Variants in WDR27 observed in about 807,000 individuals in gnomAD.
WDR27 encodes the protein WD repeat-containing protein 27.
A neutral mutation model predicts 114.4 loss-of-function variants in WDR27; 100 were observed. The ratio of observed to expected loss-of-function variants is 0.87; its 90% CI spans 0.74 to 1.03. WDR27 has a LOEUF of 1.03. Ranked by LOEUF, WDR27 falls within the 50% of genes least tolerant of loss-of-function variation. WDR27 has a pLI of 0.00. For synonymous variants in WDR27, 449 were observed against 423.1 expected (o/e 1.06, Z -0.75); for missense variants, 1,129 against 1,092.9 (o/e 1.03, Z -0.47).
intron 25 of WDR27, among the ~76,000 whole-genome samples, chr6:169,476,542 C>A: frequency 6.6e-6 from 1 of 152,162 alleles, no homozygotes; most frequent in South Asian, 2.1e-4. Context: ...CCCCCTGGAC[C>A]CACTTTCTCT....
the WDR27 span, among the ~76,000 whole-genome samples, chr6:169,432,569 T>A: frequency 6.6e-6 from 1 of 152,358 alleles, no homozygotes; most frequent in East Asian, 1.9e-4. Context: ...CCCTTTTTGC[T>A]TGGCTTTCAT....
the WDR27 span, among the ~76,000 whole-genome samples, chr6:169,439,883 AT>A: frequency 9.0e-5 from 13 of 144,160 alleles, no homozygotes; most frequent in African/African-American, 3.6e-4. Flanking sequence ...TGGTAGTTAT[AT>A]TACCAATATT....
At chr6:169,586,319 G>A (rs1804548212) in intron 23 of WDR27, among the ~76,000 whole-genome samples, 1 of 152,186 alleles carries the variant, frequency 6.6e-6, no homozygotes, top group Non-Finnish European at 1.5e-5. Flanking sequence ...GGCCCGCATG[G>A]CTTTTCCTAT....
chr6:169,576,699 C>T (rs887989838), intron 24 of WDR27, among the ~76,000 whole-genome samples: 1 of 149,604 alleles, frequency 6.7e-6, no homozygotes, highest in African/African-American at 2.5e-5. Context: ...CCCAGGAGTT[C>T]GAGGCTGCAC....
chr6:169,590,200 T>G lies in WDR27; in HGVS notation c.2425-7266A>C, dbSNP rs370568680. On this transcript the variant is annotated intron_variant, in intron 23 of 25. Transcript: ENST00000448612. ...TTCATTTTTCCTTTCACAGAGTACC[T>G]AACGTGACCTTCATTTCCCTTTACC... 1.8e-4 allele frequency among the ~76,000 whole-genome samples: 27 copies of G among 152,298 alleles called. No homozygotes were observed. In the East Asian group the frequency reaches 2.7e-3, roughly 15 times the overall value.
intron 14 of WDR27, among the ~76,000 whole-genome samples, chr6:169,650,607 CTCCA>C (rs1822138383): frequency 6.7e-6 from 1 of 150,070 alleles, no homozygotes; most frequent in African/African-American, 2.5e-5. Context: ...CCTCCATCCC[CTCCA>C]TCCATGCTCC....
chr6:169,478,312 T>G (rs956366702), intron 25 of WDR27, among the ~76,000 whole-genome samples: 1 of 152,194 alleles, frequency 6.6e-6, no homozygotes, highest in East Asian at 1.9e-4. Context: ...CTACCACATG[T>G]TGGACAAAGT....
chr6:169,640,219 G>A (rs955666967), intron 17 of WDR27, among the ~76,000 whole-genome samples: 4 of 152,132 alleles, frequency 2.6e-5, no homozygotes, highest in Non-Finnish European at 2.9e-5. Context: ...CGGAGCAGAA[G>A]ACCCCTTCCT....
chr6:169,628,235 A>G (rs949223761), intron 21 of WDR27, among the ~76,000 whole-genome samples: 17 of 152,164 alleles, frequency 1.1e-4, no homozygotes, highest in African/African-American at 4.1e-4. Context: ...GAAAGCCCTC[A>G]TGAGACGCTG....
intron 6 of WDR27, chr6:169,666,413 T>C (rs1018415076): frequency 3.2e-5 from 32 of 985,376 alleles, no homozygotes; most frequent in Non-Finnish European, 3.7e-5. Flanking sequence ...TTCATGTCAC[T>C]TACCGCATGG....
intron 25 of WDR27, among the ~76,000 whole-genome samples, chr6:169,478,562 G>GA (rs145057081): frequency 0.014 from 2,043 of 145,658 alleles, 41 homozygotes; most frequent in African/African-American, 0.044. Flanking sequence ...AATGCCCAAA[G>GA]AAAAAAAAAA....
chr6:169,604,088 C>A (rs1017890428), intron 22 of WDR27, among the ~76,000 whole-genome samples: 1 of 151,856 alleles, frequency 6.6e-6, no homozygotes, highest in South Asian at 2.1e-4. Flanking sequence ...CAGTTAGCAA[C>A]AGAAAAGAAA....
chr6:169,655,958 G>A (rs7763094), intron 13 of WDR27, among the ~76,000 whole-genome samples: 19,350 of 152,132 alleles, frequency 0.13, 1,352 homozygotes, highest in African/African-American at 0.16. Context: ...TCCTGACCTC[G>A]TGATCCGCCT....
chr6:169,482,743 TCAC>T (rs750119220), intron 25 of WDR27, among the ~76,000 whole-genome samples: 1 of 152,144 alleles, frequency 6.6e-6, no homozygotes, highest in Non-Finnish European at 1.5e-5. Context: ...ATCCTTTTCA[TCAC>T]CACATGTCAC....
chr6:169,462,507 A>G (rs1415807139), intron 25 of WDR27, among the ~76,000 whole-genome samples: 1 of 152,160 alleles, frequency 6.6e-6, no homozygotes, highest in Non-Finnish European at 1.5e-5. Flanking sequence ...AAAGAAAGAA[A>G]GAAAGAGTAG....
chr6:169,656,657 G>A (rs919175874), intron 13 of WDR27, among the ~76,000 whole-genome samples: 3 of 152,034 alleles, frequency 2.0e-5, no homozygotes, highest in Non-Finnish European at 4.4e-5. Flanking sequence ...GAGGGCCCAG[G>A]AGGAGGAGGC....
chr6:169,555,591 G>A (rs1166576526), intron 25 of WDR27, among the ~76,000 whole-genome samples: 1 of 151,948 alleles, frequency 6.6e-6, no homozygotes, highest in East Asian at 1.9e-4. Context: ...TGACACATGA[G>A]GTCAATTACA....
chr6:169,625,087 A>AG (rs1162128218), intron 21 of WDR27, among the ~76,000 whole-genome samples: 1 of 152,230 alleles, frequency 6.6e-6, no homozygotes, highest in Non-Finnish European at 1.5e-5. Context: ...GGAAAGCCAA[A>AG]GGCTGAGTCC....
At chr6:169,555,934 G>T (rs939936811) in intron 25 of WDR27, among the ~76,000 whole-genome samples, 5 of 152,146 alleles carry the variant, frequency 3.3e-5, no homozygotes, top group Non-Finnish European at 5.9e-5. Context: ...AGGGAAAAAT[G>T]ACTCTTTACC....
Sources: gnomAD v4.1 joint callset for allele counts (sites outside exome capture counted in the v4.1 genomes callset) on GRCh38, gnomAD v4.1.1 for gene constraint, MANE v1.5 for transcripts, NCBI Gene and HGNC (gene_info 2026-07-23, HGNC 2026-07-21) for gene names.